The following RBMS2 variants were observed in gnomAD, a reference collection of about 807,000 sequenced individuals.
RBMS2 encodes RNA-binding motif, single-stranded-interacting protein 2.
Under a neutral mutation model 58.4 loss-of-function variants are expected in RBMS2, and 38 were observed. The ratio of observed to expected loss-of-function variants is 0.65; its 90% CI spans 0.50 to 0.85. The LOEUF is 0.85. Among genes scored for constraint, RBMS2 ranks in the 40% least tolerant of loss-of-function variants. RBMS2 has a pLI of 0.00. For missense variants in RBMS2, 367 were observed against 503.7 expected, an observed-to-expected ratio of 0.73 and a Z score of 2.60; for synonymous variants, 151 against 180.7, an observed-to-expected ratio of 0.84 and a Z score of 1.32.
Position 56,589,148 on chromosome 12 carries a change from TC to T in RBMS2, c.*19del. ...GCTTGTGCCTTCTTTAGGATTCCCC[TC>T]CCCATCTTTACTGAATAGAAATGAA... On this transcript the variant is annotated 3_prime_UTR_variant, in exon 14 of 14. Transcript: ENST00000262031. The T allele has an allele frequency of 6.4e-7, 1 of 1,551,274 alleles. No individual in the cohort carries two copies. Among genetic ancestry groups the T allele is most frequent in the Non-Finnish European group, 8.7e-7 (1 of 1,146,812 alleles).
Position 56,559,622 on chromosome 12 carries a change from C to T in RBMS2, c.67-2795C>T, listed in dbSNP as rs529181073. 7.2e-3 allele frequency among the ~76,000 whole-genome samples: 1,079 copies of T among 149,952 alleles called. 4 individuals carry two copies. The highest frequency in any genetic ancestry group is 0.012 in the Non-Finnish European group (777 of 67,432). ...ATCCTAGCACTTTGGGAGGCCAAGA[C>T]GGGCGGATCACGAGGTCAGGAGATC... On this transcript the variant is annotated intron_variant, in intron 1 of 13. Coordinates refer to ENST00000262031, the MANE Select transcript of RBMS2 (RefSeq NM_002898.4).
Position 56,589,765 on chromosome 12 carries a change from T to C in RBMS2, c.*632T>C, listed in dbSNP as rs1338696235. On this transcript the variant is annotated 3_prime_UTR_variant, in exon 14 of 14. Coordinates refer to ENST00000262031, the MANE Select transcript of RBMS2 (RefSeq NM_002898.4). Reference sequence around the variant, plus strand: ...TCTTTCTCTTGTCCAGATTCTTCTTTTTCTCTTTTCTAAACAGCTGAGCCT... The same window carrying C: ...TCTTTCTCTTGTCCAGATTCTTCTTCTTCTCTTTTCTAAACAGCTGAGCCT... 1 of 152,744 alleles carries C rather than the reference T, an allele frequency of 6.5e-6. No homozygotes were observed. The highest frequency in any genetic ancestry group is 1.5e-5 in the Non-Finnish European group (1 of 68,128). 9.5% of individuals were successfully genotyped at this position (152,744 alleles called of 1,614,324 possible).
At chr12:56,536,860 C>A (rs1334565224) in intron 1 of RBMS2, among the ~76,000 whole-genome samples, 1 of 151,884 alleles carries the variant, frequency 6.6e-6, no homozygotes, top group Non-Finnish European at 1.5e-5. Flanking sequence ...AGCCACTGCA[C>A]CTGGCCTATT....
rs1885263712 is a variant in RBMS2 at position 56,590,963 on chromosome 12, G to A, written c.*1830G>A. ...AAATTCCAACTCTTTATGAGGTCAG[G>A]AGTCCTTTAAAAAAGCCTATGTCTT... is the stretch of plus-strand genomic sequence containing the variant. On this transcript the variant is annotated 3_prime_UTR_variant, in exon 14 of 14. Transcript: ENST00000262031. The A allele has an allele frequency of 6.6e-6, 1 of 152,128 alleles. No individual in the cohort carries two copies. The highest frequency in any genetic ancestry group is 2.1e-4 in the South Asian group (1 of 4,828). The allele number at this position is 152,128 out of a possible 1,614,324, so 9.4% of individuals were successfully genotyped here.
chr12:56,577,323 A>C (rs970371293), intron 5 of RBMS2, among the ~76,000 whole-genome samples: 3 of 151,570 alleles, frequency 2.0e-5, no homozygotes, highest in Non-Finnish European at 4.4e-5. Flanking sequence ...AGGCAGGAGA[A>C]TCATTTGAAC....
upstream of RBMS2, among the ~76,000 whole-genome samples, chr12:56,521,153 G>A (rs1258185383): frequency 6.6e-6 from 1 of 152,156 alleles, no homozygotes; most frequent in Admixed American, 6.6e-5. Flanking sequence ...AAATGGGCCA[G>A]GGGTGGTGGC....
At chr12:56,538,667 A>C (rs1875457888) in intron 1 of RBMS2, among the ~76,000 whole-genome samples, 1 of 151,470 alleles carries the variant, frequency 6.6e-6, no homozygotes, top group East Asian at 2.0e-4. Context: ...TTTTTAGTAG[A>C]GATACGGTTT....
chr12:56,590,442 A>G lies in RBMS2; in HGVS notation c.*1309A>G, dbSNP rs891318959. 7 of 152,124 alleles carry G rather than the reference A, an allele frequency of 4.6e-5. No individual in the cohort carries two copies. The highest frequency in any genetic ancestry group is 1.7e-4 in the African/African-American group (7 of 41,384). 9.4% of individuals were successfully genotyped at this position (152,124 alleles called of 1,614,324 possible). A position where few individuals can be genotyped will look rare whatever the true frequency, so the allele number is the denominator to read the frequency against. On this transcript the variant is annotated 3_prime_UTR_variant, in exon 14 of 14. Coordinates refer to ENST00000262031, the MANE Select transcript of RBMS2 (RefSeq NM_002898.4). ...GTGCTACTGGCATCTAGTGGCTGCT[A>G]AACATCCTACACTGCATAGGATAGT...
rs577054099 is a variant in RBMS2 at position 56,589,267 on chromosome 12, G to A, written c.*134G>A. The A allele has an allele frequency of 4.6e-5, 66 of 1,440,750 alleles. No individual in the cohort carries two copies. The highest frequency in any genetic ancestry group is 1.8e-4 in the East Asian group (6 of 32,460). The allele number at this position is 1,440,750 out of a possible 1,614,324, so 89.2% of individuals were successfully genotyped here. On this transcript the variant is annotated 3_prime_UTR_variant, in exon 14 of 14. Transcript: ENST00000262031. ...TGCTAAGGACTAACACTTAGCCATCGTTTTTCACAGGCCTGGGCCTGGAAA... is the reference window on the plus strand; with the variant it reads ...TGCTAAGGACTAACACTTAGCCATCATTTTTCACAGGCCTGGGCCTGGAAA...
rs751301625 is a variant in RBMS2 at position 56,562,529 on chromosome 12, T to G, written c.179T>G (p.Ile60Ser). 6.2e-7 allele frequency: 1 copy of G among 1,612,762 alleles called. No individual in the cohort carries two copies. The highest frequency in any genetic ancestry group is 8.5e-7 in the Non-Finnish European group (1 of 1,178,776). ...NDQLSKTNLY[I>S]RGLQPGTTDQ... Reference sequence around the variant, plus strand: ...CAGCTGAGCAAAACCAACCTATACATCCGAGGATTGCAACCAGGCACTACT... The same window carrying G: ...CAGCTGAGCAAAACCAACCTATACAGCCGAGGATTGCAACCAGGCACTACT... The change falls in exon 2 of 14, where the codon ATC (isoleucine) becomes AGC (serine). Residue 60 changes from isoleucine to serine, a missense_variant. Around this residue, in one of 3 missense-constraint regions of RBMS2, gnomAD observed 93 missense variants for 132.2 expected, o/e 0.70. Coordinates refer to ENST00000262031, the MANE Select transcript of RBMS2 (RefSeq NM_002898.4).
At chr12:56,531,785 C>A (rs920506725) in intron 1 of RBMS2, among the ~76,000 whole-genome samples, 1 of 149,938 alleles carries the variant, frequency 6.7e-6, no homozygotes, top group Non-Finnish European at 1.5e-5. Flanking sequence ...CCACTGGACT[C>A]CAGCCCAGGC....
At chr12:56,547,983 A>G (rs1877567961) in intron 1 of RBMS2, among the ~76,000 whole-genome samples, 1 of 152,006 alleles carries the variant, frequency 6.6e-6, no homozygotes, top group Non-Finnish European at 1.5e-5. Context: ...TGTAAGCTCT[A>G]GTTTGTGAAC....
chr12:56,522,186 C>A, intron 1 of RBMS2, 97 bp downstream of exon 1: 3 of 982,248 alleles, frequency 3.1e-6, no homozygotes, highest in Non-Finnish European at 4.6e-6. Flanking sequence ...GGGGAAGGGG[C>A]TTCCTCTCTC....
intron 5 of RBMS2, among the ~76,000 whole-genome samples, chr12:56,579,952 C>G (rs997300020): frequency 6.6e-6 from 1 of 151,962 alleles, no homozygotes; most frequent in African/African-American, 2.4e-5. Flanking sequence ...GTTTTTGAGA[C>G]GGAGTCTTGC....
At chr12:56,570,087 T>A in intron 4 of RBMS2, 97 bp downstream of exon 4, 1 of 1,132,622 alleles carries the variant, frequency 8.8e-7, no homozygotes, top group Non-Finnish European at 1.3e-6. Context: ...AACCATGAAA[T>A]TGAGTGGGCA....
chr12:56,587,533 G>A (rs770688623), intron 10 of RBMS2, 21 bp from the exon 11 acceptor site: 3 of 1,611,554 alleles, frequency 1.9e-6, no homozygotes, highest in South Asian at 2.2e-5. Flanking sequence ...AGCTAACCCT[G>A]TCCTTTGTTG....
chr12:56,563,104 T>C (rs973127808), intron 2 of RBMS2, among the ~76,000 whole-genome samples: 4 of 151,932 alleles, frequency 2.6e-5, no homozygotes, highest in African/African-American at 9.7e-5. Context: ...GCCTGGGCAA[T>C]AGAGTGAGAT....
intron 2 of RBMS2, among the ~76,000 whole-genome samples, chr12:56,564,787 A>G (rs1268539253): frequency 6.6e-6 from 1 of 152,220 alleles, no homozygotes; most frequent in Non-Finnish European, 1.5e-5. Flanking sequence ...CAGCCTGGCC[A>G]ACATGGTTAA....
In RBMS2 at chr12:56,544,754, A is replaced by ATTTTTTTTTTTT. The variant is rs537510847; in HGVS notation, c.67-17661_67-17650dup. On this transcript the variant is annotated intron_variant, in intron 1 of 13. Coordinates refer to ENST00000262031, the MANE Select transcript of RBMS2 (RefSeq NM_002898.4). ...TGCCACCATGCCCAGCTAATTTTTA[A>ATTTTTTTTTTTT]TTTTTTTTTTTTTCTTTTTTGTAGA... is the stretch of plus-strand genomic sequence containing the variant. Among the ~76,000 whole-genome samples, 24 of 116,072 alleles carry ATTTTTTTTTTTT rather than the reference A, an allele frequency of 2.1e-4. 1 individual carries two copies. The highest frequency in any genetic ancestry group is 2.2e-4 in the Non-Finnish European group (13 of 58,362). 76.1% of individuals were successfully genotyped at this position (116,072 alleles called of 152,430 possible). A position where few individuals can be genotyped will look rare whatever the true frequency, so the allele number is the denominator to read the frequency against.
Sources: gnomAD v4.1 joint callset for allele counts (sites outside exome capture counted in the v4.1 genomes callset) on GRCh38, gnomAD v4.1.1 for gene constraint, gnomAD v4.1.1 regional missense constraint, MANE v1.5 for transcripts, NCBI Gene and HGNC (gene_info 2026-07-23, HGNC 2026-07-21) for gene names.